Variants in TULP4 observed in about 807,000 individuals in gnomAD.
The protein encoded by TULP4 is TUB like protein 4.
Under a neutral mutation model 129.0 loss-of-function variants are expected in TULP4, and 16 were observed. The ratio of observed to expected loss-of-function variants is 0.12; its 90% CI spans 0.08 to 0.19. The LOEUF (loss-of-function observed/expected upper bound fraction) is 0.19. TULP4 is among the 10% of genes least tolerant of loss of function. The pLI is 1.00. For synonymous variants in TULP4, 998 were observed against 854.0 expected (o/e 1.17, Z -2.94); for missense variants, 1,842 against 2,059.1 (o/e 0.89, Z 2.04).
chr6:158,359,639 G>T (rs1780723641), intron 1 of TULP4, among the ~76,000 whole-genome samples: 1 of 152,050 alleles, frequency 6.6e-6, no homozygotes, highest in Non-Finnish European at 1.5e-5. Context: ...CCGGATTGAG[G>T]GTGGGTCTGC....
At chr6:158,496,369 A>T (rs1780337843) in intron 11 of TULP4, among the ~76,000 whole-genome samples, 1 of 152,246 alleles carries the variant, frequency 6.6e-6, no homozygotes. Context: ...ATTAGATGTT[A>T]GAAAGACCTA....
chr6:158,379,413 G>T (rs1311841384), intron 1 of TULP4, among the ~76,000 whole-genome samples: 1 of 152,206 alleles, frequency 6.6e-6, no homozygotes, highest in Non-Finnish European at 1.5e-5. Context: ...GTTATTAGGG[G>T]ACTTATGGAC....
At chr6:158,349,794 C>T (rs1233207934) in intron 1 of TULP4, among the ~76,000 whole-genome samples, 10 of 136,812 alleles carry the variant, frequency 7.3e-5, no homozygotes, top group African/African-American at 1.4e-4. Flanking sequence ...CCAGACGGGG[C>T]GGCCGGGCAG....
At chr6:158,305,817 T>C (rs1279043159) in intron 1 of TULP4, among the ~76,000 whole-genome samples, 2 of 152,190 alleles carry the variant, frequency 1.3e-5, no homozygotes, top group African/African-American at 4.8e-5. Flanking sequence ...TTCAATCTGA[T>C]AGTTGCTTTT....
intron 12 of TULP4, 130 bp from the exon 13 acceptor site, chr6:158,501,548 C>G: frequency 2.2e-6 from 2 of 926,232 alleles, no homozygotes. Context: ...CAAGCAGACA[C>G]GTCTCTGTCT....
intron 6 of TULP4, among the ~76,000 whole-genome samples, chr6:158,476,257 C>T (rs1779818209): frequency 6.6e-6 from 1 of 152,164 alleles, no homozygotes; most frequent in African/African-American, 2.4e-5. Flanking sequence ...CTTACTTGGG[C>T]AAGTAAATGA....
chr6:158,402,504 C>A (rs142190850), intron 1 of TULP4, among the ~76,000 whole-genome samples: 167 of 152,290 alleles, frequency 1.1e-3, no homozygotes, highest in African/African-American at 3.9e-3. Context: ...TCTGAGAAAA[C>A]AAATGAAGAC....
At chr6:158,444,565 T>C (rs1562568854) in intron 3 of TULP4, among the ~76,000 whole-genome samples, 1 of 152,178 alleles carries the variant, frequency 6.6e-6, no homozygotes, top group Non-Finnish European at 1.5e-5. Flanking sequence ...TTTCCCAACA[T>C]GGTTTTATTC....
rs369484731 is a variant in TULP4 at position 158,234,640 on chromosome 6, T to A, written n.68+2337T>A. The stretch of plus-strand genomic sequence containing the variant: ...TTTAAAAACTGAGTACAACCTCTTA[T>A]GAAATGCTGTGATTTAGTTACTGCA... On this transcript the variant is annotated intron_variant and non_coding_transcript_variant, in intron 1 of 1. Coordinates refer to the TULP4 transcript ENST00000620026. Among the ~76,000 whole-genome samples the A allele has an allele frequency of 2.6e-5, 4 of 152,352 alleles. No homozygotes were observed. The South Asian group carries it at 8.3e-4, about 32-fold the overall frequency.
chr6:158,253,787 C>T (rs1226268992), intron 1 of TULP4, among the ~76,000 whole-genome samples: 1 of 152,182 alleles, frequency 6.6e-6, no homozygotes, highest in Non-Finnish European at 1.5e-5. Flanking sequence ...TTAATCCCAG[C>T]ACTTTGGGAG....
At chr6:158,352,273 C>T (rs1189377628) in intron 1 of TULP4, among the ~76,000 whole-genome samples, 1 of 152,120 alleles carries the variant, frequency 6.6e-6, no homozygotes, top group African/African-American at 2.4e-5. Context: ...ATTTCTAGAT[C>T]TTATGAAGTC....
At chr6:158,471,757 G>T (rs1779687471) in intron 6 of TULP4, among the ~76,000 whole-genome samples, 1 of 152,198 alleles carries the variant, frequency 6.6e-6, no homozygotes, top group African/African-American at 2.4e-5. Flanking sequence ...CCCACTGCCA[G>T]TTCATTGCCT....
In TULP4 at chr6:158,380,894, CAAAAAAAA is replaced by C. The variant is rs1227720723; in HGVS notation, c.253-32160_253-32153del. Among the ~76,000 whole-genome samples, 287 of 72,258 alleles carry C rather than the reference CAAAAAAAA, an allele frequency of 4.0e-3. 2 individuals carry two copies. Among genetic ancestry groups the C allele is most frequent in the African/African-American group, 0.015 (265 of 17,596 alleles). 47.4% of individuals were successfully genotyped at this position (72,258 alleles called of 152,430 possible). On this transcript the variant is annotated intron_variant, in intron 1 of 13. Transcript: ENST00000367097. ...GGGCGACAGAGCAAGACTCTGTCTCCAAAAAAAAAAAAAAAAAAGAAGAAGAAGAAGAA... is the reference window on the plus strand; with the variant it reads ...GGGCGACAGAGCAAGACTCTGTCTCCAAAAAAAAAAGAAGAAGAAGAAGAA...
intron 6 of TULP4, among the ~76,000 whole-genome samples, chr6:158,469,123 A>G (rs1236331669): frequency 6.6e-6 from 1 of 152,160 alleles, no homozygotes; most frequent in African/African-American, 2.4e-5. Context: ...AACTGACGTC[A>G]GTGTTATTAT....
chr6:158,441,122 C>T (rs1484990500), intron 3 of TULP4, among the ~76,000 whole-genome samples: 1 of 152,064 alleles, frequency 6.6e-6, no homozygotes, highest in Non-Finnish European at 1.5e-5. Flanking sequence ...TCAAGACCAG[C>T]CCAGCCAACG....
chr6:158,379,292 A>C (rs1777271114), intron 1 of TULP4, among the ~76,000 whole-genome samples: 1 of 152,136 alleles, frequency 6.6e-6, no homozygotes, highest in African/African-American at 2.4e-5. Flanking sequence ...GTTGCCCCAA[A>C]AGCAGTGGTA....
At chr6:158,400,229 C>T (rs1236952822) in intron 1 of TULP4, among the ~76,000 whole-genome samples, 1 of 152,106 alleles carries the variant, frequency 6.6e-6, no homozygotes, top group Non-Finnish European at 1.5e-5. Context: ...TATACATTGG[C>T]ATGATTTATA....
At chr6:158,419,869 C>A (rs1778297505) in intron 2 of TULP4, among the ~76,000 whole-genome samples, 1 of 152,194 alleles carries the variant, frequency 6.6e-6, no homozygotes, top group African/African-American at 2.4e-5. Flanking sequence ...AATCCATTGA[C>A]ATACTCAGAC....
intron 1 of TULP4, among the ~76,000 whole-genome samples, chr6:158,325,643 G>A (rs1436567652): frequency 2.6e-5 from 4 of 152,048 alleles, no homozygotes; most frequent in South Asian, 2.1e-4. Flanking sequence ...GAGCCACCGC[G>A]CCCAGCCGAG....
Sources: allele counts gnomAD v4.1 joint callset (sites outside exome capture counted in the v4.1 genomes callset), GRCh38; gene constraint gnomAD v4.1.1; transcripts MANE v1.5; gene names NCBI Gene and HGNC (gene_info 2026-07-23, HGNC 2026-07-21).